The following KCNT2 variants were observed in gnomAD, a reference collection of about 807,000 sequenced individuals.
The protein encoded by KCNT2 is potassium channel subfamily T member 2.
In KCNT2, 67 loss-of-function variants were observed where a neutral mutation model predicts 153.8. The ratio of observed to expected loss-of-function variants is 0.44; its 90% confidence interval spans 0.36 to 0.53. The LOEUF is 0.53. Ranked by LOEUF, KCNT2 falls within the 20% of genes least tolerant of loss-of-function variation. KCNT2 has a pLI of 0.00. For missense variants in KCNT2, 975 were observed against 1,354.8 expected (o/e 0.72, Z 4.40); for synonymous variants, 500 against 458.8 (o/e 1.09, Z -1.15).
intron 25 of KCNT2, among the ~76,000 whole-genome samples, chr1:196,278,062 T>G (rs1249914069): frequency 6.6e-6 from 1 of 152,132 alleles, no homozygotes; most frequent in Admixed American, 6.6e-5. Flanking sequence ...AAGCAAATAA[T>G]ATACTCATTC....
chr1:196,600,840 C>G (rs1482864261), intron 1 of KCNT2, among the ~76,000 whole-genome samples: 1 of 152,200 alleles, frequency 6.6e-6, no homozygotes, highest in Non-Finnish European at 1.5e-5. Flanking sequence ...TTATCCATCT[C>G]TACTCTACAT....
intron 1 of KCNT2, among the ~76,000 whole-genome samples, chr1:196,505,654 A>C (rs1485624862): frequency 2.0e-5 from 3 of 152,094 alleles, no homozygotes; most frequent in Non-Finnish European, 4.4e-5. Flanking sequence ...GATGGCATTG[A>C]ATCTATAAAT....
At chr1:196,429,537 C>G in intron 9 of KCNT2, 40 bp downstream of exon 9, 1 of 1,367,336 alleles carries the variant, frequency 7.3e-7, no homozygotes, top group Non-Finnish European at 1.0e-6. Context: ...AATTTCATGT[C>G]TCTGTACATT....
At chr1:196,496,303 A>T (rs993843410) in intron 1 of KCNT2, among the ~76,000 whole-genome samples, 6 of 152,006 alleles carry the variant, frequency 3.9e-5, no homozygotes, top group African/African-American at 1.4e-4. Context: ...CCCCAGCTCT[A>T]CTAAAATACA....
chr1:196,251,156 A>G (rs1655932913), intron 26 of KCNT2, among the ~76,000 whole-genome samples: 1 of 152,116 alleles, frequency 6.6e-6, no homozygotes, highest in Non-Finnish European at 1.5e-5. Flanking sequence ...CTGCACTCCC[A>G]TGTTTATTGC....
chr1:196,354,236 C>A (rs1259502735), intron 14 of KCNT2, among the ~76,000 whole-genome samples: 1 of 151,694 alleles, frequency 6.6e-6, no homozygotes, highest in Non-Finnish European at 1.5e-5. Context: ...TAGTGGGAGT[C>A]TACCTCTTTC....
intron 8 of KCNT2, among the ~76,000 whole-genome samples, chr1:196,435,146 T>A (rs1674527444): frequency 9.9e-6 from 1 of 100,776 alleles, no homozygotes; most frequent in African/African-American, 3.5e-5. Flanking sequence ...TATGTATATA[T>A]ATATATATAT....
At chr1:196,281,053 A>G in intron 24 of KCNT2, 65 bp from the exon 25 acceptor site, 1 of 1,278,982 alleles carries the variant, frequency 7.8e-7, no homozygotes, top group Non-Finnish European at 1.1e-6. Flanking sequence ...TGGTAACTTT[A>G]CATTTCTTTA....
chr1:196,249,705 G>A (rs1442393715), intron 26 of KCNT2, among the ~76,000 whole-genome samples: 1 of 151,676 alleles, frequency 6.6e-6, no homozygotes, highest in Non-Finnish European at 1.5e-5. Flanking sequence ...CCCAGGAGGC[G>A]AAGGTTACGT....
chr1:196,251,950 G>A (rs981995419), intron 26 of KCNT2, among the ~76,000 whole-genome samples: 3 of 151,654 alleles, frequency 2.0e-5, no homozygotes, highest in African/African-American at 4.8e-5. Context: ...TTGTTTTTAA[G>A]TGGGTTTCTT....
chr1:196,581,943 T>C (rs1408799695), intron 1 of KCNT2, among the ~76,000 whole-genome samples: 2 of 152,128 alleles, frequency 1.3e-5, no homozygotes, highest in Non-Finnish European at 2.9e-5. Flanking sequence ...AGGAAAATTA[T>C]GTCTTTCATA....
chr1:196,506,069 G>A (rs1239772129), intron 1 of KCNT2, among the ~76,000 whole-genome samples: 1 of 152,048 alleles, frequency 6.6e-6, no homozygotes, highest in African/African-American at 2.4e-5. Flanking sequence ...ATTGCAAATG[G>A]GTTTTCTAGG....
At chr1:196,386,082 G>T (rs1393842409) in intron 13 of KCNT2, among the ~76,000 whole-genome samples, 3 of 152,098 alleles carry the variant, frequency 2.0e-5, no homozygotes, top group Non-Finnish European at 4.4e-5. Context: ...TGCTCGAGCA[G>T]CCCAGAGGAA....
chr1:196,392,308 G>C (rs1670560415), intron 13 of KCNT2, among the ~76,000 whole-genome samples: 1 of 150,916 alleles, frequency 6.6e-6, no homozygotes, highest in Admixed American at 6.6e-5. Flanking sequence ...CTTGAACATG[G>C]CCTTATGTTA....
At chr1:196,594,934 G>T in intron 1 of KCNT2, among the ~76,000 whole-genome samples, 1 of 152,184 alleles carries the variant, frequency 6.6e-6, no homozygotes. Flanking sequence ...TCAAATAATA[G>T]CATTAACGGC....
At chr1:196,280,711 A>T (rs1558095404) in intron 25 of KCNT2, 149 bp downstream of exon 25, 1 of 705,842 alleles carries the variant, frequency 1.4e-6, no homozygotes, top group Non-Finnish European at 2.3e-6. Context: ...AGTTGAAAAA[A>T]AATTTGGTTC....
chr1:196,315,871 T>G (rs747784665), intron 21 of KCNT2, 21 bp downstream of exon 21: 1 of 1,592,748 alleles, frequency 6.3e-7, no homozygotes. Context: ...AGTGGCAAGG[T>G]TGGATGATTC....
intron 18 of KCNT2, 54 bp from the exon 19 acceptor site, chr1:196,326,943 T>G: frequency 1.0e-6 from 1 of 991,450 alleles, no homozygotes; most frequent in Non-Finnish European, 1.5e-6. Context: ...CATTAAAATT[T>G]GGAGAAAATT....
At chr1:196,375,005 A>T (rs1480571202) in intron 13 of KCNT2, among the ~76,000 whole-genome samples, 1 of 151,842 alleles carries the variant, frequency 6.6e-6, no homozygotes, top group Non-Finnish European at 1.5e-5. Context: ...TATTTCTTTC[A>T]GTAGGGGAAT....
Sources: allele counts gnomAD v4.1 joint callset (sites outside exome capture counted in the v4.1 genomes callset), GRCh38; gene constraint gnomAD v4.1.1; transcripts MANE v1.5; gene names NCBI Gene and HGNC (gene_info 2026-07-23, HGNC 2026-07-21).